Variants in UNC80 observed in about 807,000 individuals in gnomAD.
UNC80 encodes the protein protein unc-80 homolog.
Under a neutral mutation model 384.6 loss-of-function variants are expected in UNC80, and 164 were observed. That is an observed-to-expected ratio of 0.43 (90% CI 0.38 to 0.49). The LOEUF (loss-of-function observed/expected upper bound fraction) is 0.49. Among genes scored for constraint, UNC80 ranks in the 20% least tolerant of loss-of-function variants. UNC80 has a pLI of 0.00. For synonymous variants in UNC80, 1,486 were observed against 1,527.8 expected (o/e 0.97, Z 0.64); for missense variants, 3,330 against 4,143.0 (o/e 0.80, Z 5.39).
chr2:209,986,180 T>A (rs1033384972), intron 61 of UNC80, among the ~76,000 whole-genome samples: 1 of 152,204 alleles, frequency 6.6e-6, no homozygotes, highest in East Asian at 1.9e-4. Context: ...TAGCAGAGTG[T>A]TCATTCTTTC....
intron 25 of UNC80, among the ~76,000 whole-genome samples, chr2:209,883,607 T>A (rs1184694475): frequency 1.3e-5 from 2 of 151,522 alleles, no homozygotes; most frequent in Non-Finnish European, 2.9e-5. Flanking sequence ...ATTTTTTTTA[T>A]TTTTTTTAGT....
intron 21 of UNC80, 71 bp downstream of exon 21, chr2:209,842,517 TGGTCCA>T: frequency 1.9e-6 from 2 of 1,080,252 alleles, no homozygotes; most frequent in Non-Finnish European, 2.7e-6. Context: ...TTAGATTAAG[TGGTCCA>T]TTTTCTATTT....
intron 42 of UNC80, 59 bp from the exon 43 acceptor site, chr2:209,939,413 C>T: frequency 6.9e-7 from 1 of 1,452,528 alleles, no homozygotes; most frequent in Non-Finnish European, 9.1e-7. Context: ...TTTTTTCAGT[C>T]TATAAATCTG....
chr2:209,883,079 G>A (rs1185246879), intron 25 of UNC80, among the ~76,000 whole-genome samples: 1 of 151,990 alleles, frequency 6.6e-6, no homozygotes, highest in Non-Finnish European at 1.5e-5. Flanking sequence ...GTCGAGATGT[G>A]GCCTTTATAA....
Position 209,969,984 on chromosome 2 carries a change from G to A in UNC80, c.8130+93G>A, listed in dbSNP as rs192827387. On this transcript the variant is annotated intron_variant, in intron 53 of 64. Transcript: ENST00000673920. The stretch of plus-strand genomic sequence containing the variant: ...TGAAGATTTACAGGTCAACCACTTT[G>A]TGCCCCTATCTGCCCATGAAAACAG... The A allele has an allele frequency of 2.6e-3, 3,850 of 1,474,456 alleles. 8 individuals carry two copies. The highest frequency in any genetic ancestry group is 3.2e-3 in the Non-Finnish European group (3,529 of 1,098,590). The allele number at this position is 1,474,456 out of a possible 1,614,324, so 91.3% of individuals were successfully genotyped here. A position where few individuals can be genotyped will look rare whatever the true frequency, so the allele number is the denominator to read the frequency against.
At chr2:209,776,066 C>CTTTTTTTTTTTTTTTTTTTTTT in intron 3 of UNC80, 21 bp downstream of exon 3, 1 of 1,613,624 alleles carries the variant, frequency 6.2e-7, no homozygotes, top group Admixed American at 1.7e-5. Flanking sequence ...CGCATTACTT[C>CTTTTTTTTTTTTTTTTTTTTTT]TTTATTGCAT....
In UNC80 at chr2:209,813,601, G is replaced by T. The variant is rs989128759; in HGVS notation, c.960G>T (p.Pro320=). 6.4e-7 allele frequency: 1 copy of T among 1,551,380 alleles called. No individual in the cohort carries two copies. Among genetic ancestry groups the T allele is most frequent in the South Asian group, 1.2e-5 (1 of 84,026 alleles). Reference sequence around the variant, plus strand: ...ACAGGGCCTCTCTTGTGATACCTCCGTGCCAAAGGTCCCGCTATGCCACCT... The same window carrying T: ...ACAGGGCCTCTCTTGTGATACCTCCTTGCCAAAGGTCCCGCTATGCCACCT... ...SHSRASLVIP[P]CQRSRYATYF... Residue 320 remains proline (P), a synonymous_variant, in exon 8 of 65, where the codon CCG becomes CCT. Coordinates refer to ENST00000673920, the MANE Select transcript of UNC80 (RefSeq NM_001371986.1).
intron 38 of UNC80, among the ~76,000 whole-genome samples, chr2:209,933,580 T>G: frequency 1.4e-5 from 2 of 147,010 alleles, no homozygotes; most frequent in Admixed American, 6.8e-5. Flanking sequence ...GAGGGGGGAA[T>G]GATCTGCTTT....
At chr2:209,992,746 C>T (rs2093415670) in intron 62 of UNC80, among the ~76,000 whole-genome samples, 2 of 152,128 alleles carry the variant, frequency 1.3e-5, no homozygotes, top group Non-Finnish European at 2.9e-5. Flanking sequence ...TGCATAAAGG[C>T]AAAGAAAAAG....
intron 7 of UNC80, chr2:209,809,516 C>T: frequency 7.1e-6 from 8 of 1,119,378 alleles, no homozygotes; most frequent in Non-Finnish European, 1.1e-5. Context: ...TGCGCTCGAA[C>T]CTTCTCCCGA....
chr2:209,772,709 T>C (rs1207150031), intron 1 of UNC80, among the ~76,000 whole-genome samples: 1 of 152,186 alleles, frequency 6.6e-6, no homozygotes, highest in Non-Finnish European at 1.5e-5. Context: ...TTCTTTATTA[T>C]TGTTATTTTA....
rs1398699736 is a variant in UNC80 at position 209,881,012 on chromosome 2, C to T, written c.4028C>T (p.Ala1343Val). 6.4e-7 allele frequency: 1 copy of T among 1,551,842 alleles called. No individual in the cohort carries two copies. The highest frequency in any genetic ancestry group is 8.7e-7 in the Non-Finnish European group (1 of 1,147,046). The change falls in exon 25 of 65, where the codon GCA (alanine) becomes GTA (valine). Residue 1343 changes from alanine to valine, a missense_variant. Ala to Val is a moderately conservative substitution (Grantham distance 64, BLOSUM62 0). Coordinates refer to ENST00000673920, the MANE Select transcript of UNC80 (RefSeq NM_001371986.1). ...TGCCCCTTTGCCTTGAAGATGGCAG[C>T]ATGTCAGCTTCTTCTGGAGATTACC... ...CGCPFALKMAACQLLLEITTF... is the reference protein window; with the variant it reads ...CGCPFALKMAVCQLLLEITTF...
intron 7 of UNC80, among the ~76,000 whole-genome samples, chr2:209,799,739 T>C (rs770384863): frequency 2.9e-4 from 44 of 152,202 alleles, no homozygotes; most frequent in Non-Finnish European, 5.3e-4. Flanking sequence ...TTTTGAGATA[T>C]GTTCCATCAT....
chr2:209,818,862 G>A, intron 11 of UNC80, 131 bp from the exon 12 acceptor site: 5 of 1,087,554 alleles, frequency 4.6e-6, no homozygotes, highest in Non-Finnish European at 6.5e-6. Flanking sequence ...GACTAGCTTT[G>A]AGACTATAAG....
At chr2:209,813,459 C>CGT in intron 7 of UNC80, 121 bp from the exon 8 acceptor site, 1 of 1,062,914 alleles carries the variant, frequency 9.4e-7, no homozygotes. Context: ...GAGTAAACTA[C>CGT]GTAAGAAACA....
chr2:209,810,117 G>A (rs878893956), intron 7 of UNC80, among the ~76,000 whole-genome samples: 2 of 152,084 alleles, frequency 1.3e-5, no homozygotes, highest in Admixed American at 1.3e-4. Context: ...AGATGCTCTG[G>A]GCCTGAGCAG....
chr2:209,829,843 ATAG>A (rs1250343956), intron 15 of UNC80, among the ~76,000 whole-genome samples: 5 of 152,260 alleles, frequency 3.3e-5, no homozygotes, highest in African/African-American at 1.2e-4. Context: ...TGCAGTAAAC[ATAG>A]TAGTAACACA....
At chr2:209,799,238 T>A (rs1325498480) in intron 7 of UNC80, among the ~76,000 whole-genome samples, 1 of 152,158 alleles carries the variant, frequency 6.6e-6, no homozygotes, top group Non-Finnish European at 1.5e-5. Flanking sequence ...GTTTGTGTCC[T>A]CTTATTTCCC....
At chr2:209,840,799 T>C (rs946738226) in intron 20 of UNC80, among the ~76,000 whole-genome samples, 151 bp downstream of exon 20, 3 of 152,098 alleles carry the variant, frequency 2.0e-5, no homozygotes, top group African/African-American at 7.2e-5. Flanking sequence ...AGATAAGCAA[T>C]GGAAACTAAA....
Sources: allele counts gnomAD v4.1 joint callset (sites outside exome capture counted in the v4.1 genomes callset), GRCh38; gene constraint gnomAD v4.1.1; transcripts MANE v1.5; gene names NCBI Gene and HGNC (gene_info 2026-07-23, HGNC 2026-07-21).